Variants in MYO3A observed in about 807,000 individuals in gnomAD.
MYO3A encodes the protein myosin-IIIa.
A neutral mutation model predicts 192.7 loss-of-function variants in MYO3A; 180 were observed. The ratio of observed to expected loss-of-function variants is 0.93; its 90% CI spans 0.83 to 1.06. The LOEUF (loss-of-function observed/expected upper bound fraction) is 1.06, where lower values mean the gene tolerates loss of function less well. Among genes scored for constraint, MYO3A ranks in the 50% least tolerant of loss-of-function variants. The probability of loss-of-function intolerance (pLI) is 0.00; values close to 1 mark genes in which losing one functional copy is unlikely to be tolerated. For missense variants in MYO3A, 1,896 were observed against 1,905.0 expected (o/e 1.00, Z 0.09); for synonymous variants, 628 against 645.3 (o/e 0.97, Z 0.41).
intron 23 of MYO3A, among the ~76,000 whole-genome samples, 183 bp downstream of exon 23, chr10:26,147,742 A>G (rs1418858941): frequency 6.6e-6 from 1 of 152,196 alleles, no homozygotes; most frequent in Non-Finnish European, 1.5e-5. Context: ...GAATATAAAT[A>G]AGCTAGTTTT....
chr10:26,206,308 G>A (rs529872998), intron 34 of MYO3A, among the ~76,000 whole-genome samples: 19 of 147,640 alleles, frequency 1.3e-4, no homozygotes, highest in African/African-American at 3.7e-4. Context: ...TGATCCATCC[G>A]CCTCGGCCTC....
intron 9 of MYO3A, among the ~76,000 whole-genome samples, chr10:26,025,614 C>G (rs1265929934): frequency 6.6e-6 from 1 of 152,170 alleles, no homozygotes; most frequent in Non-Finnish European, 1.5e-5. Flanking sequence ...TTCCACCAAC[C>G]AATTCTAGTT....
chr10:26,199,085 A>T (rs986430183), intron 32 of MYO3A, among the ~76,000 whole-genome samples: 4 of 152,182 alleles, frequency 2.6e-5, no homozygotes, highest in East Asian at 1.9e-4. Context: ...CCCAGCTGTT[A>T]GGAAACTAAG....
At position 25,959,550 on chromosome 10, in the gene MYO3A, G is replaced by A. The variant is rs1310234801; in HGVS notation, c.303+4542G>A. The stretch of plus-strand genomic sequence containing the variant: ...ATATTGTTCATTACACTTTTGGAGC[G>A]CTTCATCTGCCCAGTCTTGTTTGGA... On this transcript the variant is annotated intron_variant, in intron 4 of 34. Coordinates refer to ENST00000642920, the MANE Select transcript of MYO3A (RefSeq NM_017433.5). Among the ~76,000 whole-genome samples the A allele has an allele frequency of 2.0e-5, 3 of 151,958 alleles. No individual in the cohort carries two copies. In the East Asian group the frequency reaches 5.8e-4, roughly 29 times the overall value.
chr10:25,978,181 G>T (rs942595582), intron 4 of MYO3A, among the ~76,000 whole-genome samples: 6 of 152,022 alleles, frequency 3.9e-5, no homozygotes, highest in Non-Finnish European at 8.8e-5. Context: ...TTTTGAGTTT[G>T]TTTTTATTGA....
intron 15 of MYO3A, 78 bp from the exon 16 acceptor site, chr10:26,096,303 C>A (rs1014867096): frequency 2.7e-6 from 3 of 1,111,358 alleles, no homozygotes; most frequent in South Asian, 1.4e-5. Context: ...AGTCGTTGTT[C>A]AAATAATTAT....
At chr10:26,172,253 T>C (rs1403224170) in intron 29 of MYO3A, among the ~76,000 whole-genome samples, 1 of 152,250 alleles carries the variant, frequency 6.6e-6, no homozygotes, top group Non-Finnish European at 1.5e-5. Flanking sequence ...TTGTTTTCAC[T>C]TAACCATTCC....
chr10:26,131,665 A>G (rs933240429), intron 20 of MYO3A, among the ~76,000 whole-genome samples: 2 of 152,128 alleles, frequency 1.3e-5, no homozygotes, highest in African/African-American at 4.8e-5. Context: ...TTATTTTTCT[A>G]TGTGTAAAAT....
chr10:26,102,385 GTCT>G (rs1837513527), intron 17 of MYO3A, among the ~76,000 whole-genome samples: 2 of 152,296 alleles, frequency 1.3e-5, no homozygotes, highest in East Asian at 1.9e-4. Context: ...ATCATCTGAA[GTCT>G]TCTTCTCTCA....
intron 17 of MYO3A, among the ~76,000 whole-genome samples, chr10:26,118,745 C>T (rs1564567072): frequency 6.6e-6 from 1 of 152,052 alleles, no homozygotes; most frequent in Non-Finnish European, 1.5e-5. Flanking sequence ...GATTCTCCTG[C>T]CCCAGCCTCC....
chr10:26,212,427 C>T lies in MYO3A; in HGVS notation c.*464C>T, dbSNP rs957378369. 1.9e-5 allele frequency: 5 copies of T among 261,032 alleles called. No individual in the cohort carries two copies. Among genetic ancestry groups the T allele is most frequent in the African/African-American group, 1.1e-4 (5 of 45,492 alleles). The allele number at this position is 261,032 out of a possible 1,614,324, so 16.2% of individuals were successfully genotyped here. ...GCGGTTGAATCTTAGAGAAAAAAGC[C>T]CGGGAGGGGTGGGGAGAATTTCGAA... On this transcript the variant is annotated 3_prime_UTR_variant, in exon 35 of 35. Transcript: ENST00000642920.
chr10:26,173,533 C>A, intron 29 of MYO3A, 130 bp from the exon 30 acceptor site: 3 of 786,830 alleles, frequency 3.8e-6, no homozygotes, highest in Non-Finnish European at 6.0e-6. Flanking sequence ...TGACTTGATA[C>A]TTTTTAATTT....
intron 20 of MYO3A, among the ~76,000 whole-genome samples, chr10:26,139,423 G>C (rs1840029298): frequency 6.6e-6 from 1 of 152,052 alleles, no homozygotes; most frequent in African/African-American, 2.4e-5. Context: ...ATTTTTAGTA[G>C]AGATGGGGTT....
At chr10:26,146,650 T>A (rs1009018796) in intron 22 of MYO3A, among the ~76,000 whole-genome samples, 17 of 152,194 alleles carry the variant, frequency 1.1e-4, no homozygotes, top group Non-Finnish European at 2.4e-4. Flanking sequence ...CTTACTCTTA[T>A]ACCTTATTTA....
intron 10 of MYO3A, among the ~76,000 whole-genome samples, chr10:26,032,915 C>T (rs534229128): frequency 2.0e-4 from 30 of 152,230 alleles, no homozygotes; most frequent in African/African-American, 7.2e-4. Flanking sequence ...TACGCTTTTC[C>T]TTGACACATG....
intron 4 of MYO3A, among the ~76,000 whole-genome samples, chr10:25,984,768 T>C (rs1839543754): frequency 6.6e-6 from 1 of 151,958 alleles, no homozygotes; most frequent in African/African-American, 2.4e-5. Context: ...ATCATGCAAA[T>C]ACATGGAAAT....
intron 11 of MYO3A, among the ~76,000 whole-genome samples, chr10:26,068,566 T>C (rs937461441): frequency 6.6e-6 from 1 of 152,208 alleles, no homozygotes; most frequent in Non-Finnish European, 1.5e-5. Flanking sequence ...ACATCCTCTG[T>C]GGCTCTCAAA....
At chr10:25,943,218 T>G (rs1169745659) in intron 2 of MYO3A, among the ~76,000 whole-genome samples, 1 of 152,074 alleles carries the variant, frequency 6.6e-6, no homozygotes, top group Non-Finnish European at 1.5e-5. Flanking sequence ...TGGAAATCAT[T>G]TGACTATATT....
rs138010092 is a variant in MYO3A, at chr10:25,972,243, A to G, written c.303+17235A>G. Reference sequence around the variant, plus strand: ...GTGAAATTTTCATTTCCATAACTGTAGTTTTTAAATCTATAATTTTCACTT... The same window carrying G: ...GTGAAATTTTCATTTCCATAACTGTGGTTTTTAAATCTATAATTTTCACTT... On this transcript the variant is annotated intron_variant, in intron 4 of 34. Coordinates refer to ENST00000642920, the MANE Select transcript of MYO3A (RefSeq NM_017433.5). Among the ~76,000 whole-genome samples the G allele has an allele frequency of 3.0e-3, 458 of 151,996 alleles. 2 individuals carry two copies. The highest frequency in any genetic ancestry group is 0.011 in the African/African-American group (436 of 41,462).
Sources: gnomAD v4.1 joint callset for allele counts (sites outside exome capture counted in the v4.1 genomes callset) on GRCh38, gnomAD v4.1.1 for gene constraint, MANE v1.5 for transcripts, NCBI Gene and HGNC (gene_info 2026-07-23, HGNC 2026-07-21) for gene names.